Variants in LCP1 observed in about 807,000 individuals in gnomAD.
LCP1 encodes the protein lymphocyte cytosolic protein 1, also known as plastin-2.
In LCP1, 23 loss-of-function variants were observed where a neutral mutation model predicts 72.0. That is an observed-to-expected ratio of 0.32 (90% CI 0.23 to 0.45). The LOEUF is 0.45. Ranked by LOEUF, LCP1 falls within the 20% of genes least tolerant of loss-of-function variation. The pLI, the probability that LCP1 is intolerant of heterozygous loss-of-function variation, is 1.00. For synonymous variants in LCP1, 245 were observed against 275.4 expected (o/e 0.89, Z 1.09); for missense variants, 571 against 748.3 (o/e 0.76, Z 2.76).
intron 1 of LCP1, among the ~76,000 whole-genome samples, chr13:46,163,854 C>T (rs1343212341): frequency 6.6e-6 from 1 of 152,150 alleles, no homozygotes; most frequent in East Asian, 1.9e-4. Context: ...TGGCTTAGGT[C>T]TCTTCTATAC....
intron 13 of LCP1, among the ~76,000 whole-genome samples, chr13:46,138,685 C>T (rs2045679730): frequency 6.6e-6 from 1 of 152,146 alleles, no homozygotes; most frequent in Admixed American, 6.5e-5. Context: ...CTCGCTCCGT[C>T]ACCCAGGCTG....
At chr13:46,137,898 T>C (rs1402783661) in intron 13 of LCP1, among the ~76,000 whole-genome samples, 1 of 152,246 alleles carries the variant, frequency 6.6e-6, no homozygotes, top group Non-Finnish European at 1.5e-5. Context: ...ACCTGCTTAC[T>C]TTCCTGCCTT....
intron 1 of LCP1, among the ~76,000 whole-genome samples, chr13:46,180,368 G>A (rs2045950651): frequency 6.6e-6 from 1 of 152,174 alleles, no homozygotes; most frequent in African/African-American, 2.4e-5. Flanking sequence ...ACAAGTAAAT[G>A]AGACTTTACT....
intron 13 of LCP1, among the ~76,000 whole-genome samples, chr13:46,140,164 A>T (rs978012925): frequency 6.6e-6 from 1 of 152,240 alleles, no homozygotes; most frequent in Non-Finnish European, 1.5e-5. Context: ...AAAGACTATC[A>T]GAGTGGTGAG....
intron 4 of LCP1, 65 bp downstream of exon 4, chr13:46,158,457 G>C: frequency 6.4e-7 from 1 of 1,572,246 alleles, no homozygotes; most frequent in Non-Finnish European, 8.7e-7. Context: ...CATCCCTTAG[G>C]TTTGAATACC....
intron 8 of LCP1, chr13:46,148,651 G>T: frequency 1.9e-6 from 1 of 520,334 alleles, no homozygotes; most frequent in Admixed American, 3.5e-5. Context: ...TTTAAAAGGA[G>T]CGTAACAATA....
intron 1 of LCP1, among the ~76,000 whole-genome samples, chr13:46,180,305 T>C (rs959015974): frequency 9.2e-5 from 14 of 152,206 alleles, no homozygotes; most frequent in Non-Finnish European, 1.6e-4. Context: ...CTCATAATTA[T>C]TGAGTGCTAT....
intron 1 of LCP1, among the ~76,000 whole-genome samples, chr13:46,170,568 C>G (rs1008855835): frequency 6.6e-6 from 1 of 152,106 alleles, no homozygotes; most frequent in African/African-American, 2.4e-5. Flanking sequence ...GGCAAACCCA[C>G]CTGGGATGCA....
chr13:46,151,121 T>A, intron 7 of LCP1, 43 bp from the exon 8 acceptor site: 1 of 1,575,850 alleles, frequency 6.3e-7, no homozygotes, highest in Non-Finnish European at 8.6e-7. Flanking sequence ...TGCAGCGATG[T>A]TGGGGGAGGG....
At chr13:46,131,771 G>A (rs2045635626) in intron 14 of LCP1, among the ~76,000 whole-genome samples, 3 of 152,158 alleles carry the variant, frequency 2.0e-5, no homozygotes, top group Admixed American at 6.5e-5. Context: ...ACCAAATACT[G>A]CATCTATTCA....
At position 46,126,870 on chromosome 13, in the gene LCP1, A is replaced by G. The variant is rs531487551; in HGVS notation, c.*721T>C. Reference sequence around the variant, plus strand: ...GCCCAAATTCTAGAGTTAAAAGCAGAGGGGTTCTTAGTGGCTGAAAAAAAA... The same window carrying G: ...GCCCAAATTCTAGAGTTAAAAGCAGGGGGGTTCTTAGTGGCTGAAAAAAAA... On this transcript the variant is annotated 3_prime_UTR_variant, in exon 16 of 16. Transcript: ENST00000323076. 2 of 230,442 alleles carry G rather than the reference A, an allele frequency of 8.7e-6. No individual in the cohort carries two copies. The highest frequency in any genetic ancestry group is 2.2e-5 in the African/African-American group (1 of 45,200). The allele number at this position is 230,442 out of a possible 1,614,324, so 14.3% of individuals were successfully genotyped here.
chr13:46,140,017 C>T (rs1454489889), intron 13 of LCP1, among the ~76,000 whole-genome samples: 1 of 152,052 alleles, frequency 6.6e-6, no homozygotes. Flanking sequence ...ACAAAGTTAG[C>T]CTTAAGATTT....
intron 2 of LCP1, 125 bp from the exon 3 acceptor site, chr13:46,159,114 T>A: frequency 1.2e-6 from 1 of 834,880 alleles, no homozygotes; most frequent in African/African-American, 1.7e-5. Context: ...TAAGGCATGA[T>A]CCCAGGGAAG....
intron 13 of LCP1, among the ~76,000 whole-genome samples, chr13:46,141,750 C>A (rs1228947100): frequency 6.6e-5 from 10 of 151,894 alleles, no homozygotes; most frequent in Admixed American, 6.6e-4. Context: ...GAAAATGATA[C>A]CAAATGGAAA....
intron 10 of LCP1, 58 bp downstream of exon 10, chr13:46,146,850 C>T: frequency 6.5e-7 from 1 of 1,531,972 alleles, no homozygotes; most frequent in South Asian, 1.1e-5. Flanking sequence ...GTTTGAATTG[C>T]CATTGAATTA....
At chr13:46,170,477 CTG>C (rs149817877) in intron 1 of LCP1, among the ~76,000 whole-genome samples, 1,771 of 152,274 alleles carry the variant, frequency 0.012, 41 homozygotes, top group African/African-American at 0.04. Flanking sequence ...CTATCCAACT[CTG>C]TAGGGCCTGC....
At chr13:46,150,792 G>A in intron 8 of LCP1, 144 bp downstream of exon 8, 1 of 854,756 alleles carries the variant, frequency 1.2e-6, no homozygotes, top group East Asian at 2.5e-5. Flanking sequence ...GGGCTCTCAA[G>A]GACAGTGAGC....
chr13:46,177,622 C>A (rs1021592764), intron 1 of LCP1, among the ~76,000 whole-genome samples: 4 of 152,000 alleles, frequency 2.6e-5, no homozygotes, highest in African/African-American at 9.7e-5. Flanking sequence ...CCTGGGTGAG[C>A]CAGGAGGCAG....
intron 15 of LCP1, among the ~76,000 whole-genome samples, chr13:46,128,469 G>A (rs2045614115): frequency 1.3e-5 from 2 of 152,056 alleles, no homozygotes; most frequent in South Asian, 4.1e-4. Context: ...GTGGTGGCGT[G>A]CGCCTGTAGT....
Sources: gnomAD v4.1 joint callset for allele counts (sites outside exome capture counted in the v4.1 genomes callset) on GRCh38, gnomAD v4.1.1 for gene constraint, MANE v1.5 for transcripts, NCBI Gene and HGNC (gene_info 2026-07-23, HGNC 2026-07-21) for gene names.